The following COL21A1 variants were observed in gnomAD, a reference collection of about 807,000 sequenced individuals.
The protein encoded by COL21A1 is collagen type XXI alpha 1 chain.
A neutral mutation model predicts 137.9 loss-of-function variants in COL21A1; 149 were observed. That is an observed-to-expected ratio of 1.08 (90% CI 0.95 to 1.24). The LOEUF is 1.24. Ranked by LOEUF, COL21A1 falls within the 50% of genes most tolerant of loss-of-function variation. The pLI is 0.00. For synonymous variants in COL21A1, 456 were observed against 391.5 expected (o/e 1.16, Z -1.95); for missense variants, 1,167 against 1,158.4 (o/e 1.01, Z -0.11).
At chr6:56,120,947 A>T (rs1772450077) in intron 16 of COL21A1, among the ~76,000 whole-genome samples, 1 of 152,194 alleles carries the variant, frequency 6.6e-6, no homozygotes, top group Admixed American at 6.5e-5. Flanking sequence ...AATGGCTAAG[A>T]TTTGGAAGTC....
At chr6:56,067,470 T>C (rs1420793270) in intron 22 of COL21A1, 140 bp from the exon 23 acceptor site, 19 of 583,688 alleles carry the variant, frequency 3.3e-5, no homozygotes, top group Middle Eastern at 2.7e-4. Flanking sequence ...AGTTGACTCC[T>C]AACACAATAC....
intron 1 of COL21A1, among the ~76,000 whole-genome samples, chr6:56,184,186 A>G (rs910048189): frequency 3.9e-4 from 60 of 152,318 alleles, no homozygotes; most frequent in African/African-American, 1.4e-3. Context: ...AAAGAACTTC[A>G]GCAAACCCCA....
chr6:56,187,209 A>T (rs1442090875), intron 1 of COL21A1, among the ~76,000 whole-genome samples: 1 of 152,142 alleles, frequency 6.6e-6, no homozygotes, highest in Non-Finnish European at 1.5e-5. Flanking sequence ...GGGGCTCAGG[A>T]GAGAGAACCT....
chr6:56,263,020 G>C (rs760357924), intron 1 of COL21A1, among the ~76,000 whole-genome samples: 1 of 152,166 alleles, frequency 6.6e-6, no homozygotes, highest in Non-Finnish European at 1.5e-5. Flanking sequence ...AAGTTACACA[G>C]CTAGAAGGTG....
intron 1 of COL21A1, among the ~76,000 whole-genome samples, chr6:56,383,377 A>T (rs1170909109): frequency 6.6e-6 from 1 of 152,244 alleles, no homozygotes. Flanking sequence ...AGGTTTCAAC[A>T]TATGAATTTG....
chr6:56,359,741 A>G (rs1765923564), intron 1 of COL21A1, among the ~76,000 whole-genome samples: 1 of 152,208 alleles, frequency 6.6e-6, no homozygotes, highest in Non-Finnish European at 1.5e-5. Flanking sequence ...AGTGCATTAA[A>G]TTAAACTCAG....
chr6:56,152,474 T>C (rs1775398669), intron 10 of COL21A1, among the ~76,000 whole-genome samples: 1 of 152,184 alleles, frequency 6.6e-6, no homozygotes, highest in South Asian at 2.1e-4. Flanking sequence ...CAGTTGTGTT[T>C]TTCTTTGAGA....
At chr6:56,392,900 A>T (rs2094032502) in intron 1 of COL21A1, among the ~76,000 whole-genome samples, 1 of 152,170 alleles carries the variant, frequency 6.6e-6, no homozygotes, top group Non-Finnish European at 1.5e-5. Context: ...AAGAATCAAT[A>T]TTGTTAAAAA....
intron 1 of COL21A1, among the ~76,000 whole-genome samples, chr6:56,184,018 T>C (rs1431710487): frequency 6.6e-6 from 1 of 152,070 alleles, no homozygotes; most frequent in Non-Finnish European, 1.5e-5. Context: ...AAAAACATGA[T>C]AAAAGGAATA....
intron 10 of COL21A1, among the ~76,000 whole-genome samples, chr6:56,148,691 T>C (rs945450173): frequency 6.6e-6 from 1 of 152,138 alleles, no homozygotes; most frequent in Non-Finnish European, 1.5e-5. Context: ...TCATAGGCCT[T>C]ACTTGTTTTT....
rs1228025867 is a variant in COL21A1 at position 56,077,518 on chromosome 6, T to A, written c.1857+11A>T. The A allele has an allele frequency of 6.4e-7, 1 of 1,565,684 alleles. No individual in the cohort carries two copies. The highest frequency in any genetic ancestry group is 2.3e-5 in the East Asian group (1 of 42,804). Reference sequence around the variant, plus strand: ...GATCCAGGCCCAAAGCTAACTCTCATGAATACTTACCTTTTGGCCCATTAA... The same window carrying A: ...GATCCAGGCCCAAAGCTAACTCTCAAGAATACTTACCTTTTGGCCCATTAA... On this transcript the variant is annotated intron_variant, in intron 18 of 29. Transcript: ENST00000244728.
intron 1 of COL21A1, among the ~76,000 whole-genome samples, chr6:56,230,146 T>C (rs1781465452): frequency 6.6e-6 from 1 of 151,874 alleles, no homozygotes; most frequent in Admixed American, 6.6e-5. Context: ...GTAAAAAAAA[T>C]TGAAAGTCAT....
intron 1 of COL21A1, among the ~76,000 whole-genome samples, chr6:56,183,365 A>T (rs539684715): frequency 6.6e-6 from 1 of 152,298 alleles, no homozygotes; most frequent in East Asian, 1.9e-4. Flanking sequence ...GTCATATAGA[A>T]ATGATTCACA....
chr6:56,098,036 TATATAAATATATATAAATATATATAA>T (rs1769687538), intron 17 of COL21A1, among the ~76,000 whole-genome samples: 1 of 54,374 alleles, frequency 1.8e-5, no homozygotes, highest in Non-Finnish European at 3.0e-5. Flanking sequence ...TATATGTAAA[TATATAAATATATATAAATATATATAA>T]ATATATAAAT....
intron 1 of COL21A1, among the ~76,000 whole-genome samples, chr6:56,241,184 G>T (rs1192636541): frequency 6.6e-6 from 1 of 152,162 alleles, no homozygotes; most frequent in African/African-American, 2.4e-5. Flanking sequence ...CCTTTCGGAG[G>T]TAATTAGATA....
intron 17 of COL21A1, among the ~76,000 whole-genome samples, chr6:56,098,556 T>A (rs866059673): frequency 0.065 from 1,130 of 17,376 alleles, 353 homozygotes; most frequent in East Asian, 0.17. Context: ...TAAATATATA[T>A]AAATATATAA....
At chr6:56,177,058 G>A (rs1777538896) in intron 3 of COL21A1, among the ~76,000 whole-genome samples, 1 of 151,746 alleles carries the variant, frequency 6.6e-6, no homozygotes, top group Admixed American at 6.6e-5. Context: ...AGTAGAAGTA[G>A]TAGTAGAAAA....
rs74546202 is a variant in COL21A1, at chr6:56,109,828, A to G, written c.1759-8303T>C. Among the ~76,000 whole-genome samples the G allele has an allele frequency of 7.3e-3, 1,110 of 152,136 alleles. 17 individuals carry two copies. The highest frequency in any genetic ancestry group is 0.026 in the African/African-American group (1,070 of 41,574). On this transcript the variant is annotated intron_variant, in intron 16 of 29. Coordinates refer to ENST00000244728, the MANE Select transcript of COL21A1 (RefSeq NM_030820.4). ...AAATTGCTGAAGGTTGCTCAAGAAG[A>G]AAGATAAAATCTAAATAGGTGTATT...
intron 29 of COL21A1, among the ~76,000 whole-genome samples, chr6:56,058,210 C>T (rs578180633): frequency 2.6e-5 from 4 of 152,192 alleles, no homozygotes; most frequent in South Asian, 4.2e-4. Flanking sequence ...GTGATACCTA[C>T]GTAAGCCAAA....
Sources: allele counts gnomAD v4.1 joint callset (sites outside exome capture counted in the v4.1 genomes callset), GRCh38; gene constraint gnomAD v4.1.1; transcripts MANE v1.5; gene names NCBI Gene and HGNC (gene_info 2026-07-23, HGNC 2026-07-21).